The following METTL24 variants were observed in gnomAD, a reference collection of about 807,000 sequenced individuals.
METTL24 encodes probable methyltransferase-like protein 24.
Under a neutral mutation model 32.7 loss-of-function variants are expected in METTL24, and 29 were observed. The observed-to-expected ratio is 0.89, with a 90% CI of 0.66 to 1.21. METTL24 has a LOEUF of 1.21. Among genes scored for constraint, METTL24 ranks in the 50% most tolerant of loss-of-function variants. The pLI, the probability that METTL24 is intolerant of heterozygous loss-of-function variation, is 0.00. For synonymous variants in METTL24, 163 were observed against 179.5 expected (o/e 0.91, Z 0.73); for missense variants, 439 against 468.1 (o/e 0.94, Z 0.57).
chr6:110,303,376 T>A (rs1189698606), intron 3 of METTL24, among the ~76,000 whole-genome samples: 3 of 152,092 alleles, frequency 2.0e-5, no homozygotes, highest in Non-Finnish European at 4.4e-5. Flanking sequence ...GCTCAGCAGA[T>A]CCCACCCCCA....
intron 1 of METTL24, among the ~76,000 whole-genome samples, chr6:110,346,502 CTCT>C (rs1356939652): frequency 1.2e-4 from 10 of 86,156 alleles, no homozygotes; most frequent in African/African-American, 4.3e-4. Flanking sequence ...CTCTCTCTCT[CTCT>C]TTTTTTTTTT....
chr6:110,302,450 C>A (rs1582411580), intron 3 of METTL24, among the ~76,000 whole-genome samples: 1 of 120,780 alleles, frequency 8.3e-6, no homozygotes, highest in Non-Finnish European at 1.6e-5. Flanking sequence ...TATATATACA[C>A]ATATACACAC....
At chr6:110,339,787 G>A (rs149634304) in intron 1 of METTL24, among the ~76,000 whole-genome samples, 4 of 152,256 alleles carry the variant, frequency 2.6e-5, no homozygotes, top group African/African-American at 9.6e-5. Flanking sequence ...TGGTGACTTT[G>A]GATATGGGGC....
chr6:110,347,582 C>T lies in METTL24; in HGVS notation c.318+10373G>A, dbSNP rs537405777. Among the ~76,000 whole-genome samples, 3 of 152,314 alleles carry T rather than the reference C, an allele frequency of 2.0e-5. No individual in the cohort carries two copies. The South Asian group carries it at 6.2e-4, about 32-fold the overall frequency. On this transcript the variant is annotated intron_variant, in intron 1 of 4. Transcript: ENST00000338882. ...ACTGGAAAAACAATTTAGCAATTAGCTCTTTAACCCACAATTGCTCCAACT... is the reference window on the plus strand; with the variant it reads ...ACTGGAAAAACAATTTAGCAATTAGTTCTTTAACCCACAATTGCTCCAACT...
chr6:110,317,017 C>T (rs1771833402), intron 2 of METTL24, among the ~76,000 whole-genome samples: 1 of 152,222 alleles, frequency 6.6e-6, no homozygotes, highest in Non-Finnish European at 1.5e-5. Context: ...ATTCGACTAA[C>T]ACAGCATCTG....
At chr6:110,268,976 C>T (rs138879296) in intron 4 of METTL24, among the ~76,000 whole-genome samples, 2 of 152,144 alleles carry the variant, frequency 1.3e-5, no homozygotes, top group East Asian at 3.9e-4. Context: ...GAGGCCAGGT[C>T]TACAGCCCAC....
intron 3 of METTL24, among the ~76,000 whole-genome samples, chr6:110,306,717 T>C (rs1337919625): frequency 3.3e-5 from 5 of 152,214 alleles, no homozygotes; most frequent in Admixed American, 1.3e-4. Context: ...TCAAGCATAG[T>C]TGAAATTGGT....
rs148264467 is a variant in METTL24 at position 110,268,150 on chromosome 6, G to A, written c.787-21890C>T. On this transcript the variant is annotated intron_variant, in intron 4 of 4. Coordinates refer to ENST00000338882, the MANE Select transcript of METTL24 (RefSeq NM_001123364.3). ...ATCTTCAAACAAGCAAATGAAATAG[G>A]CACTTTTGTTATCCTCATGTTACAG... Among the ~76,000 whole-genome samples, 299 of 152,196 alleles carry A rather than the reference G, an allele frequency of 2.0e-3. 2 individuals are homozygous for A. Among genetic ancestry groups the A allele is most frequent in the Non-Finnish European group, 3.2e-3 (216 of 68,010 alleles).
chr6:110,323,023 G>A, intron 1 of METTL24, 151 bp from the exon 2 acceptor site: 1 of 565,102 alleles, frequency 1.8e-6, no homozygotes, highest in Non-Finnish European at 3.2e-6. Context: ...TTTGCGAGCT[G>A]CTGTCATTAA....
At chr6:110,293,283 T>C (rs1771353291) in intron 4 of METTL24, among the ~76,000 whole-genome samples, 1 of 152,092 alleles carries the variant, frequency 6.6e-6, no homozygotes, top group Non-Finnish European at 1.5e-5. Context: ...GGCTAAGTTT[T>C]CTTCTTGTAG....
At chr6:110,263,242 T>A (rs528605663) in intron 4 of METTL24, among the ~76,000 whole-genome samples, 1 of 152,150 alleles carries the variant, frequency 6.6e-6, no homozygotes, top group Non-Finnish European at 1.5e-5. Context: ...GCCCAAAATC[T>A]CCTTAAGCTG....
intron 3 of METTL24, among the ~76,000 whole-genome samples, chr6:110,309,319 C>T (rs1266396920): frequency 6.6e-6 from 1 of 152,140 alleles, no homozygotes; most frequent in Non-Finnish European, 1.5e-5. Context: ...GATCTTCAAG[C>T]TGCCAACTAT....
intron 4 of METTL24, among the ~76,000 whole-genome samples, chr6:110,294,259 T>C (rs376269915): frequency 5.3e-5 from 8 of 152,036 alleles, no homozygotes; most frequent in African/African-American, 9.7e-5. Context: ...TCCAGCAACA[T>C]TGGCATTTGA....
At chr6:110,321,265 A>G (rs1771925774) in intron 2 of METTL24, among the ~76,000 whole-genome samples, 1 of 151,882 alleles carries the variant, frequency 6.6e-6, no homozygotes, top group Admixed American at 6.6e-5. Flanking sequence ...GAAAAGAAAA[A>G]TTTTCTCCTC....
chr6:110,323,812 T>C (rs534288013), intron 1 of METTL24, among the ~76,000 whole-genome samples: 15 of 152,044 alleles, frequency 9.9e-5, no homozygotes, highest in Non-Finnish European at 2.1e-4. Context: ...AGGAAAGGCT[T>C]TGGGCGTCAT....
chr6:110,255,540 A>C (rs1340060854), intron 4 of METTL24, among the ~76,000 whole-genome samples: 1 of 152,182 alleles, frequency 6.6e-6, no homozygotes, highest in Admixed American at 6.5e-5. Context: ...GGGCAGAGTC[A>C]GGCAGAAGGG....
rs752599360 is a variant in METTL24 at position 110,246,065 on chromosome 6, C to T, written c.982G>A (p.Asp328Asn). Residue 328 changes from aspartate to asparagine, a missense_variant, in exon 5 of 5, where the codon GAT becomes AAT. Physicochemically the swap from Asp to Asn is conservative, Grantham distance 23. Coordinates refer to ENST00000338882, the MANE Select transcript of METTL24 (RefSeq NM_001123364.3). ...YSLLKELEQK[D>N]FRLFHSYKDL... The stretch of plus-strand genomic sequence containing the variant: ...TTGTAACTGTGAAAAAGCCTGAAAT[C>T]CTTTTGTTCTAACTCTTTGAGAAGG... 1 of 1,614,044 alleles carries T rather than the reference C, an allele frequency of 6.2e-7. No individual in the cohort carries two copies. Among genetic ancestry groups the T allele is most frequent in the Non-Finnish European group, 8.5e-7 (1 of 1,180,036 alleles).
chr6:110,351,472 A>G (rs1459471591), intron 1 of METTL24, among the ~76,000 whole-genome samples: 1 of 152,180 alleles, frequency 6.6e-6, no homozygotes, highest in Non-Finnish European at 1.5e-5. Context: ...ACACACACAC[A>G]TTGATGTTAG....
At chr6:110,259,289 G>A (rs1388775442) in intron 4 of METTL24, among the ~76,000 whole-genome samples, 2 of 152,242 alleles carry the variant, frequency 1.3e-5, no homozygotes, top group Non-Finnish European at 2.9e-5. Context: ...TTTTCTGACA[G>A]TCTTAGCAAA....
Sources: gnomAD v4.1 joint callset for allele counts (sites outside exome capture counted in the v4.1 genomes callset) on GRCh38, gnomAD v4.1.1 for gene constraint, MANE v1.5 for transcripts, NCBI Gene and HGNC (gene_info 2026-07-23, HGNC 2026-07-21) for gene names.